The following CUX1 variants were observed in gnomAD, a reference collection of about 807,000 sequenced individuals.
CUX1 encodes the protein protein CASP.
In CUX1, 31 loss-of-function variants were observed where a neutral mutation model predicts 158.8. That is an observed-to-expected ratio of 0.20 (90% CI 0.15 to 0.26). The LOEUF (loss-of-function observed/expected upper bound fraction) is 0.26, where lower values mean the gene tolerates loss of function less well. Ranked by LOEUF, CUX1 falls within the 10% of genes least tolerant of loss-of-function variation. CUX1 has a pLI of 1.00. For synonymous variants in CUX1, 879 were observed against 862.1 expected (o/e 1.02, Z -0.34); for missense variants, 1,589 against 2,014.6 (o/e 0.79, Z 4.04).
intron 10 of CUX1, 55 bp downstream of exon 10, chr7:102,170,605 A>C: frequency 8.2e-7 from 1 of 1,215,318 alleles, no homozygotes; most frequent in South Asian, 1.4e-5. Flanking sequence ...CGCACCTTCG[A>C]GTTACAGCCG....
At chr7:102,233,067 T>G (rs1341838612) in intron 21 of CUX1, among the ~76,000 whole-genome samples, 1 of 152,156 alleles carries the variant, frequency 6.6e-6, no homozygotes, top group Non-Finnish European at 1.5e-5. Flanking sequence ...AAGAGAGGTC[T>G]CCTGTTTGCT....
rs1296777493 is a variant in CUX1, at chr7:101,916,396, C to G, written c.141+171C>G. The stretch of plus-strand genomic sequence containing the variant: ...CCATTTCCAGCAGAACGCATGCCAT[C>G]CTGCAGGCTGTGGGGATGTGGAAAT... On this transcript the variant is annotated intron_variant, in intron 2 of 23. Coordinates refer to ENST00000292535, the MANE Select transcript of CUX1 (RefSeq NM_181552.4). This position sits in a 1 kb window ranked among gnomAD's most constrained non-coding sequence, Gnocchi z 4.4. 5 of 534,228 alleles carry G rather than the reference C, an allele frequency of 9.4e-6. No individual in the cohort carries two copies. The East Asian group carries it at 1.7e-4, about 18-fold the overall frequency. 33.1% of individuals were successfully genotyped at this position (534,228 alleles called of 1,614,324 possible). A position where few individuals can be genotyped will look rare whatever the true frequency, so the allele number is the denominator to read the frequency against.
intron 3 of CUX1, among the ~76,000 whole-genome samples, chr7:102,055,960 C>T (rs183706132): frequency 1.3e-5 from 2 of 152,300 alleles, no homozygotes; most frequent in East Asian, 3.9e-4. Context: ...GACGATCAAA[C>T]CAGCCACAAC....
chr7:101,912,643 G>T (rs1298697455), intron 1 of CUX1, among the ~76,000 whole-genome samples: 1 of 152,158 alleles, frequency 6.6e-6, no homozygotes, highest in Non-Finnish European at 1.5e-5. Context: ...TATCCCTCTG[G>T]AGATAATCAC....
intron 14 of CUX1, 77 bp downstream of exon 14, chr7:102,195,680 C>T (rs1170277995): frequency 2.1e-5 from 28 of 1,348,702 alleles, no homozygotes; most frequent in Non-Finnish European, 2.8e-5. Flanking sequence ...GAAGGTGAAT[C>T]GTGAGTCTGG....
At chr7:101,816,882 C>G (rs1791875650), upstream of CUX1, 1 of 978,756 alleles carries the variant, frequency 1.0e-6, no homozygotes, top group Non-Finnish European at 1.2e-6. Context: ...CCGGGCCGCG[C>G]CGCCGCTCCG....
At chr7:101,924,200 G>A (rs1805313349) in intron 2 of CUX1, among the ~76,000 whole-genome samples, 1 of 152,076 alleles carries the variant, frequency 6.6e-6, no homozygotes, top group Non-Finnish European at 1.5e-5. Context: ...GAACTTTTAT[G>A]ATTCGTTTTT....
At chr7:101,956,032 A>G (rs1442234155) in intron 2 of CUX1, among the ~76,000 whole-genome samples, 1 of 149,434 alleles carries the variant, frequency 6.7e-6, no homozygotes, top group Non-Finnish European at 1.5e-5. Context: ...AATACAAAAA[A>G]TTAGCCGGGT....
chr7:102,278,654 TAAA>T (rs201139444), intron 18 of CUX1, among the ~76,000 whole-genome samples: 4 of 31,170 alleles, frequency 1.3e-4, no homozygotes, highest in Non-Finnish European at 2.3e-4. Context: ...TAAAATAAAA[TAAA>T]AAAATAAAAT....
chr7:102,212,740 G>T (rs1018938431), intron 20 of CUX1, among the ~76,000 whole-genome samples: 1 of 130,366 alleles, frequency 7.7e-6, no homozygotes, highest in African/African-American at 2.9e-5. Context: ...TTTATTCCAC[G>T]CAGATGGGGG....
chr7:102,195,711 G>A, intron 14 of CUX1, 108 bp downstream of exon 14: 1 of 1,013,180 alleles, frequency 9.9e-7, no homozygotes, highest in Non-Finnish European at 1.4e-6. Flanking sequence ...GGCCAGAGAA[G>A]CGCCGGTTGA....
intron 20 of CUX1, among the ~76,000 whole-genome samples, chr7:102,224,234 TCTCA>T (rs1798128146): frequency 6.6e-6 from 1 of 151,980 alleles, no homozygotes; most frequent in Non-Finnish European, 1.5e-5. Flanking sequence ...AGAGACAGAG[TCTCA>T]CTCTGTCCCC....
chr7:102,224,934 G>C (rs797038752), intron 20 of CUX1, among the ~76,000 whole-genome samples: 2 of 152,308 alleles, frequency 1.3e-5, no homozygotes, highest in African/African-American at 4.8e-5. Context: ...TGCCATCCTT[G>C]ACAGTATCTG....
At chr7:102,247,209 A>G (rs1800900048) in intron 23 of CUX1, among the ~76,000 whole-genome samples, 1 of 149,092 alleles carries the variant, frequency 6.7e-6, no homozygotes. Context: ...AAAATAAGGA[A>G]AGGAAAAAAA....
At chr7:101,887,336 C>T (rs867502789) in intron 1 of CUX1, among the ~76,000 whole-genome samples, 7 of 151,486 alleles carry the variant, frequency 4.6e-5, no homozygotes, top group Admixed American at 1.3e-4. Flanking sequence ...GAAAGAGGAT[C>T]TTGCTCTGTT....
At chr7:101,952,106 G>A (rs1008799932) in intron 2 of CUX1, among the ~76,000 whole-genome samples, 1 of 152,230 alleles carries the variant, frequency 6.6e-6, no homozygotes, top group Non-Finnish European at 1.5e-5. Context: ...TGCAGATTCT[G>A]ACCAGGCGTA....
At position 102,249,889 on chromosome 7, in the gene CUX1, C is replaced by G; in HGVS notation, c.*847C>G. ...TTTTAACAAAAAGAAAACGTCACATCAGGAAACTCTGATTTTGTGGTAGCT... is the reference window on the plus strand; with the variant it reads ...TTTTAACAAAAAGAAAACGTCACATGAGGAAACTCTGATTTTGTGGTAGCT... On this transcript the variant is annotated 3_prime_UTR_variant, in exon 24 of 24. Coordinates refer to ENST00000292535, the MANE Select transcript of CUX1 (RefSeq NM_181552.4). 2.0e-6 allele frequency: 2 copies of G among 985,672 alleles called. No homozygotes were observed. The highest frequency in any genetic ancestry group is 2.4e-6 in the Non-Finnish European group (2 of 829,880). 61.1% of individuals were successfully genotyped at this position (985,672 alleles called of 1,614,324 possible).
intron 2 of CUX1, among the ~76,000 whole-genome samples, chr7:101,923,419 T>C (rs188037438): frequency 6.6e-6 from 1 of 152,280 alleles, no homozygotes; most frequent in Admixed American, 6.5e-5. Context: ...GATGCTGTGA[T>C]TTTATCATGA....
intron 15 of CUX1, among the ~76,000 whole-genome samples, chr7:102,197,746 A>G (rs1341762895): frequency 6.6e-6 from 1 of 152,084 alleles, no homozygotes; most frequent in Non-Finnish European, 1.5e-5. Context: ...TGTAGGGAGA[A>G]CACATCACAG....
Sources: gnomAD v4.1 joint callset for allele counts (sites outside exome capture counted in the v4.1 genomes callset) on GRCh38, gnomAD v4.1.1 for gene constraint, Gnocchi (gnomAD v3.1) non-coding constraint, MANE v1.5 for transcripts, NCBI Gene and HGNC (gene_info 2026-07-23, HGNC 2026-07-21) for gene names.